PDIA5: variants seen among roughly 807,000 people sequenced by gnomAD.
The protein encoded by PDIA5 is protein disulfide-isomerase A5.
In PDIA5, 58 loss-of-function variants were observed where a neutral mutation model predicts 77.6. The ratio of observed to expected loss-of-function variants is 0.75; its 90% CI spans 0.61 to 0.93. PDIA5 has a LOEUF of 0.93. Among genes scored for constraint, PDIA5 ranks in the 40% least tolerant of loss-of-function variants. The pLI is 0.00. For synonymous variants in PDIA5, 250 were observed against 252.1 expected (o/e 0.99, Z 0.08); for missense variants, 630 against 647.7 (o/e 0.97, Z 0.30).
intron 3 of PDIA5, among the ~76,000 whole-genome samples, chr3:123,098,240 G>A (rs77042981): frequency 0.013 from 1,907 of 152,282 alleles, 42 homozygotes; most frequent in African/African-American, 0.044. Context: ...GCCAGAGGTC[G>A]CTAATGGCAG....
chr3:123,070,413 A>G (rs1408984333), intron 1 of PDIA5, among the ~76,000 whole-genome samples: 1 of 152,232 alleles, frequency 6.6e-6, no homozygotes, highest in Non-Finnish European at 1.5e-5. Flanking sequence ...AGTTTTTCAC[A>G]TGAATATGTA....
intron 2 of PDIA5, among the ~76,000 whole-genome samples, chr3:123,090,380 C>T (rs1383720724): frequency 6.6e-6 from 1 of 152,220 alleles, no homozygotes; most frequent in East Asian, 1.9e-4. Flanking sequence ...GGAGTTGGAA[C>T]TAGGAGGACT....
rs569273765 is a variant in PDIA5, at chr3:123,097,923, G to T, written c.258-4488G>T. ...AAGGCAGGCATCAGCCTTCCTTCTG[G>T]TCTTCAGTGTAGTCTTCTTTCTACC... is the stretch of plus-strand genomic sequence containing the variant. On this transcript the variant is annotated intron_variant, in intron 3 of 16. Transcript: ENST00000316218. Among the ~76,000 whole-genome samples, 6 of 152,242 alleles carry T rather than the reference G, an allele frequency of 3.9e-5. No homozygotes were observed. The East Asian group carries it at 7.7e-4, about 20-fold the overall frequency.
At chr3:123,142,244 C>T (rs1411312655) in intron 11 of PDIA5, among the ~76,000 whole-genome samples, 1 of 152,212 alleles carries the variant, frequency 6.6e-6, no homozygotes. Flanking sequence ...GGAGCAGGCT[C>T]AGGGAAATAC....
chr3:123,125,021 C>G (rs1935209528), intron 10 of PDIA5, among the ~76,000 whole-genome samples: 1 of 152,170 alleles, frequency 6.6e-6, no homozygotes, highest in Non-Finnish European at 1.5e-5. Flanking sequence ...TGCCTCCTTA[C>G]CTGGAGCCTC....
intron 3 of PDIA5, among the ~76,000 whole-genome samples, chr3:123,092,819 G>T (rs991852948): frequency 6.6e-6 from 1 of 152,084 alleles, no homozygotes; most frequent in Non-Finnish European, 1.5e-5. Flanking sequence ...GGGTTTGCCT[G>T]TGGTGGGTCT....
At position 123,116,302 on chromosome 3, in the gene PDIA5, A is replaced by G. The variant is rs1279132941; in HGVS notation, c.609+4A>G. ...GACTCAGCTGCGAGGCCACGCCGTA[A>G]GTGAGGCGCCATTGCCTGGCAGGGC... On this transcript the variant is annotated splice_donor_region_variant and intron_variant, in intron 8 of 16. Coordinates refer to ENST00000316218, the MANE Select transcript of PDIA5 (RefSeq NM_006810.4). The G allele has an allele frequency of 3.7e-6, 6 of 1,602,940 alleles. No homozygotes were observed. Among genetic ancestry groups the G allele is most frequent in the Non-Finnish European group, 5.1e-6 (6 of 1,172,934 alleles).
intron 1 of PDIA5, among the ~76,000 whole-genome samples, chr3:123,084,622 T>C (rs1430417060): frequency 6.6e-6 from 1 of 152,154 alleles, no homozygotes; most frequent in Non-Finnish European, 1.5e-5. Flanking sequence ...GAGCCTATTA[T>C]CATCTTCCTT....
chr3:123,146,047 C>T, intron 12 of PDIA5, 52 bp from the exon 13 acceptor site: 3 of 1,571,120 alleles, frequency 1.9e-6, no homozygotes, highest in East Asian at 2.2e-5. Flanking sequence ...CTGTGTTCCA[C>T]CAGCACCGCA....
intron 7 of PDIA5, among the ~76,000 whole-genome samples, chr3:123,115,145 T>C (rs1237364531): frequency 6.6e-6 from 1 of 152,166 alleles, no homozygotes; most frequent in Non-Finnish European, 1.5e-5. Flanking sequence ...GCCTGACACA[T>C]GGTTCCAGGC....
At chr3:123,118,222 C>T (rs1043829450) in intron 8 of PDIA5, among the ~76,000 whole-genome samples, 1 of 152,180 alleles carries the variant, frequency 6.6e-6, no homozygotes, top group Admixed American at 6.5e-5. Flanking sequence ...TAGTAACTTG[C>T]CTGGAGACAT....
At chr3:123,141,147 A>G (rs1935623846) in intron 11 of PDIA5, among the ~76,000 whole-genome samples, 1 of 152,236 alleles carries the variant, frequency 6.6e-6, no homozygotes, top group African/African-American at 2.4e-5. Context: ...AGAAAGCAAC[A>G]GTGATTCTCA....
intron 1 of PDIA5, among the ~76,000 whole-genome samples, chr3:123,076,816 TG>T (rs1365475221): frequency 6.6e-6 from 1 of 152,220 alleles, no homozygotes; most frequent in Non-Finnish European, 1.5e-5. Flanking sequence ...AGACCCCTCT[TG>T]GCTCAAGAAG....
At chr3:123,083,745 G>A (rs1268605308) in intron 1 of PDIA5, among the ~76,000 whole-genome samples, 1 of 152,186 alleles carries the variant, frequency 6.6e-6, no homozygotes, top group Non-Finnish European at 1.5e-5. Flanking sequence ...TGTTATCAAG[G>A]TTTGTGGGTT....
chr3:123,124,369 G>A, intron 10 of PDIA5, 26 bp downstream of exon 10: 1 of 1,552,956 alleles, frequency 6.4e-7, no homozygotes, highest in African/African-American at 1.4e-5. Context: ...GTGTGTCAGT[G>A]GGCGTGGACC....
intron 3 of PDIA5, among the ~76,000 whole-genome samples, chr3:123,099,573 C>G (rs577430528): frequency 3.9e-5 from 6 of 152,140 alleles, no homozygotes; most frequent in African/African-American, 1.4e-4. Flanking sequence ...GCTCGTGGGG[C>G]GCTTGCTCAG....
chr3:123,105,061 C>CT (rs1252545911), intron 5 of PDIA5, among the ~76,000 whole-genome samples: 4 of 152,310 alleles, frequency 2.6e-5, no homozygotes, highest in South Asian at 4.1e-4. Flanking sequence ...CCACTGCTAT[C>CT]TTTTTTTCTT....
chr3:123,069,661 T>G (rs554286667), intron 1 of PDIA5, among the ~76,000 whole-genome samples: 1 of 152,136 alleles, frequency 6.6e-6, no homozygotes, highest in African/African-American at 2.4e-5. Context: ...CTTGGGTCCC[T>G]TTTTCAAGGG....
intron 14 of PDIA5, among the ~76,000 whole-genome samples, chr3:123,154,370 G>A (rs1268662162): frequency 6.6e-6 from 1 of 152,146 alleles, no homozygotes; most frequent in Non-Finnish European, 1.5e-5. Flanking sequence ...TGGCTTTGAG[G>A]TTCTGGTTAT....
Sources: gnomAD v4.1 joint callset for allele counts (sites outside exome capture counted in the v4.1 genomes callset) on GRCh38, gnomAD v4.1.1 for gene constraint, MANE v1.5 for transcripts, NCBI Gene and HGNC (gene_info 2026-07-23, HGNC 2026-07-21) for gene names.